The following RELL1 variants were observed in gnomAD, a reference collection of about 807,000 sequenced individuals.
RELL1 encodes the protein RELT like 1.
RELL1 carries 10 observed loss-of-function variants against 23.0 expected under a neutral mutation model. The ratio of observed to expected loss-of-function variants is 0.43; its 90% CI spans 0.27 to 0.74. RELL1 has a LOEUF of 0.74. RELL1 is among the 30% of genes least tolerant of loss of function. The pLI, the probability that RELL1 is intolerant of heterozygous loss-of-function variation, is 0.19. For synonymous variants in RELL1, 146 were observed against 146.8 expected (o/e 0.99, Z 0.04); for missense variants, 315 against 364.4 (o/e 0.86, Z 1.10).
At chr4:37,595,267 T>C (rs893373112) in intron 6 of RELL1, among the ~76,000 whole-genome samples, 1 of 152,256 alleles carries the variant, frequency 6.6e-6, no homozygotes, top group African/African-American at 2.4e-5. Context: ...AGTGGTCTGC[T>C]AACTTCTGAA....
At chr4:37,654,294 T>C (rs563823377) in intron 1 of RELL1, among the ~76,000 whole-genome samples, 4 of 152,354 alleles carry the variant, frequency 2.6e-5, no homozygotes, top group African/African-American at 9.6e-5. Flanking sequence ...CCAGTGGCCA[T>C]GTGTGGCTAA....
At chr4:37,589,775 G>A (rs565881660), downstream of RELL1, among the ~76,000 whole-genome samples, 2 of 152,244 alleles carry the variant, frequency 1.3e-5, no homozygotes, top group African/African-American at 4.8e-5. Context: ...GGGATTACAG[G>A]TGCCTACCAC....
intron 1 of RELL1, chr4:37,665,500 G>A (rs1339587161): frequency 2.9e-6 from 1 of 348,444 alleles, no homozygotes; most frequent in Non-Finnish European, 5.7e-6. Context: ...TCCATAAGGG[G>A]ACGCTAAATC....
chr4:37,606,190 AGAGAAAG>A (rs1719216790), downstream of RELL1, among the ~76,000 whole-genome samples: 1 of 113,392 alleles, frequency 8.8e-6, no homozygotes, highest in African/African-American at 3.0e-5. The surrounding 1 kb of genome is among the most constrained non-coding windows in gnomAD (Gnocchi z 4.1). Context: ...GAAGAAAGAA[AGAGAAAG>A]AAGAAAGAAA....
Position 37,610,864 on chromosome 4 carries a change from T to A in RELL1, c.*2482A>T, listed in dbSNP as rs10032779. Among the ~76,000 whole-genome samples the A allele has an allele frequency of 0.99, 150,182 of 152,316 alleles. 74,070 individuals carry two copies. The highest frequency in any genetic ancestry group is 1 in the East Asian group (5,184 of 5,184). ...CCTCATCCTTAGAAAGGAGGAGGAG[T>A]AACACAAGACCTGTAAACATCAGTT... On this transcript the variant is annotated 3_prime_UTR_variant, in exon 7 of 7. Transcript: ENST00000454158. This position sits in a 1 kb window ranked among gnomAD's most constrained non-coding sequence, Gnocchi z 4.1.
intron 5 of RELL1, among the ~76,000 whole-genome samples, chr4:37,632,045 T>C (rs1203111290): frequency 9.1e-6 from 1 of 110,298 alleles, no homozygotes; most frequent in African/African-American, 3.6e-5. Context: ...CGTCATGCAC[T>C]CCAGCCTGGG....
At chr4:37,662,899 G>A (rs1464184144) in intron 1 of RELL1, among the ~76,000 whole-genome samples, 1 of 152,052 alleles carries the variant, frequency 6.6e-6, no homozygotes, top group Non-Finnish European at 1.5e-5. Context: ...TCAAACAATG[G>A]TTTGCATTCA....
chr4:37,638,359 C>T (rs1720406792), intron 4 of RELL1, 88 bp downstream of exon 4: 1 of 1,048,868 alleles, frequency 9.5e-7, no homozygotes, highest in Non-Finnish European at 1.5e-6. Context: ...GGGAAACCTG[C>T]TCTAGCAGAA....
At chr4:37,683,248 A>C (rs114182285) in intron 1 of RELL1, among the ~76,000 whole-genome samples, 2,578 of 152,322 alleles carry the variant, frequency 0.017, 64 homozygotes, top group African/African-American at 0.059. Context: ...TACAGTGGAA[A>C]GGGAATGAAC....
chr4:37,611,722 T>C lies in RELL1; in HGVS notation c.*1624A>G, dbSNP rs916925839. On this transcript the variant is annotated 3_prime_UTR_variant, in exon 7 of 7. Coordinates refer to ENST00000454158, the MANE Select transcript of RELL1 (RefSeq NM_001085400.2). The stretch of plus-strand genomic sequence containing the variant: ...GTCCTTTCAGGTGTTTTGTAAAATG[T>C]ACAGTTATAAAAAAAAAAAAGAAAA... Among the ~76,000 whole-genome samples, 1 of 150,004 alleles carries C rather than the reference T, an allele frequency of 6.7e-6. No individual in the cohort carries two copies. The highest frequency in any genetic ancestry group is 1.5e-5 in the Non-Finnish European group (1 of 67,668).
intron 4 of RELL1, among the ~76,000 whole-genome samples, chr4:37,637,601 C>T (rs894794286): frequency 2.0e-5 from 3 of 152,206 alleles, no homozygotes; most frequent in African/African-American, 4.8e-5. Flanking sequence ...TCAGTCTCCA[C>T]CCATCCTACA....
Position 37,591,400 on chromosome 4 carries a change from A to G in RELL1, c.*4-183T>C, listed in dbSNP as rs192877370. 6.9e-4 allele frequency: 109 copies of G among 158,378 alleles called. 1 individual carries two copies. In the South Asian group the frequency reaches 0.017, roughly 25 times the overall value. 9.8% of individuals were successfully genotyped at this position (158,378 alleles called of 1,614,324 possible). A position where few individuals can be genotyped will look rare whatever the true frequency, so the allele number is the denominator to read the frequency against. ...TCACAGAGCATTCCTTTTGACTGTA[A>G]ACTGTTTACCTTGCTTTTGAGAGCC... On this transcript the variant is annotated intron_variant, in intron 6 of 6. Coordinates refer to the RELL1 transcript ENST00000314117.
intron 6 of RELL1, among the ~76,000 whole-genome samples, chr4:37,592,110 A>G (rs1027488858): frequency 6.6e-6 from 1 of 150,788 alleles, no homozygotes. Flanking sequence ...TGGGAGGCTG[A>G]GGCAAGGAGA....
intron 1 of RELL1, among the ~76,000 whole-genome samples, chr4:37,667,018 T>A (rs1332558410): frequency 2.0e-5 from 3 of 152,028 alleles, no homozygotes; most frequent in Admixed American, 2.0e-4. Flanking sequence ...GCTACTGCTG[T>A]TAGAGAAAGG....
chr4:37,644,767 TG>T (rs1720653025), intron 3 of RELL1, among the ~76,000 whole-genome samples: 1 of 152,072 alleles, frequency 6.6e-6, no homozygotes, highest in Non-Finnish European at 1.5e-5. Flanking sequence ...GCCGCTACTT[TG>T]AAGAATTTAT....
At position 37,678,140 on chromosome 4, in the gene RELL1, C is replaced by A. The variant is rs185499474; in HGVS notation, c.88+8060G>T. ...AGGCAACAGAGGAGCAGGCACATCA[C>A]ATGGCGGAAGCAGGAGCAAGAGAGA... is the stretch of plus-strand genomic sequence containing the variant. On this transcript the variant is annotated intron_variant, in intron 1 of 6. Coordinates refer to ENST00000454158, the MANE Select transcript of RELL1 (RefSeq NM_001085400.2). 3.0e-3 allele frequency among the ~76,000 whole-genome samples: 462 copies of A among 152,262 alleles called. 3 individuals are homozygous for A. The highest frequency in any genetic ancestry group is 0.011 in the African/African-American group (447 of 41,526).
chr4:37,641,905 A>G (rs1720543680), intron 3 of RELL1, among the ~76,000 whole-genome samples: 1 of 152,194 alleles, frequency 6.6e-6, no homozygotes, highest in South Asian at 2.1e-4. Context: ...CCTTAACAGT[A>G]GGTAGAATTA....
chr4:37,686,068 T>C (rs1306074179), intron 1 of RELL1, 132 bp downstream of exon 1: 3 of 768,252 alleles, frequency 3.9e-6, no homozygotes, highest in Non-Finnish European at 6.1e-6. Context: ...CAGCCAGTTG[T>C]TCAGTGCCGG....
chr4:37,656,666 A>T (rs1721127812), intron 1 of RELL1, among the ~76,000 whole-genome samples: 1 of 152,246 alleles, frequency 6.6e-6, no homozygotes, highest in Admixed American at 6.5e-5. Context: ...CTCCACGCTC[A>T]TAAAGGAGTT....
Sources: allele counts gnomAD v4.1 joint callset (sites outside exome capture counted in the v4.1 genomes callset), GRCh38; gene constraint gnomAD v4.1.1; non-coding constraint Gnocchi (gnomAD v3.1); transcripts MANE v1.5; gene names NCBI Gene and HGNC (gene_info 2026-07-23, HGNC 2026-07-21).